TULP4: variants seen among roughly 807,000 people sequenced by gnomAD.
TULP4 encodes tubby-related protein 4.
A neutral mutation model predicts 129.0 loss-of-function variants in TULP4; 16 were observed. That is an observed-to-expected ratio of 0.12 (90% CI 0.08 to 0.19). The LOEUF is 0.19. TULP4 is among the 10% of genes least tolerant of loss of function. The pLI is 1.00. For synonymous variants in TULP4, 998 were observed against 854.0 expected, an observed-to-expected ratio of 1.17 and a Z score of -2.94; for missense variants, 1,842 against 2,059.1, an observed-to-expected ratio of 0.89 and a Z score of 2.04.
intron 8 of TULP4, among the ~76,000 whole-genome samples, chr6:158,484,711 A>G (rs1005761337): frequency 6.6e-5 from 10 of 152,232 alleles, no homozygotes; most frequent in Non-Finnish European, 1.3e-4. Context: ...GCTGTCTGCA[A>G]GCCGGGGGCA....
chr6:158,272,778 C>G (rs1437829412), intron 1 of TULP4, among the ~76,000 whole-genome samples: 1 of 152,210 alleles, frequency 6.6e-6, no homozygotes, highest in African/African-American at 2.4e-5. Context: ...TAGAGTGTTT[C>G]AGTCAAAAAC....
intron 1 of TULP4, among the ~76,000 whole-genome samples, chr6:158,360,320 G>C (rs2114832932): frequency 6.6e-6 from 1 of 152,220 alleles, no homozygotes; most frequent in African/African-American, 2.4e-5. Context: ...GGGTTTGGTA[G>C]GGTCCAGGGC....
At chr6:158,287,497 A>C (rs1451144358) in intron 1 of TULP4, among the ~76,000 whole-genome samples, 1 of 152,218 alleles carries the variant, frequency 6.6e-6, no homozygotes, top group Non-Finnish European at 1.5e-5. Context: ...GTCTTGATGA[A>C]TAGACATTTA....
At chr6:158,327,863 C>A (rs1349422723) in intron 1 of TULP4, among the ~76,000 whole-genome samples, 1 of 152,094 alleles carries the variant, frequency 6.6e-6, no homozygotes, top group Non-Finnish European at 1.5e-5. Flanking sequence ...CACCATGAAT[C>A]TCTTTGGCAT....
intron 1 of TULP4, among the ~76,000 whole-genome samples, chr6:158,362,611 A>G (rs1477844297): frequency 6.6e-6 from 1 of 152,074 alleles, no homozygotes; most frequent in African/African-American, 2.4e-5. Context: ...TGGACTCCCA[A>G]AGTGTTGAGG....
At chr6:158,306,251 T>C (rs1779215098) in intron 1 of TULP4, among the ~76,000 whole-genome samples, 2 of 152,364 alleles carry the variant, frequency 1.3e-5, no homozygotes, top group Non-Finnish European at 2.9e-5. Flanking sequence ...CTTAATAAAA[T>C]AGTTATTTAA....
At chr6:158,415,323 T>C (rs1049825561) in intron 2 of TULP4, among the ~76,000 whole-genome samples, 3 of 139,734 alleles carry the variant, frequency 2.1e-5, no homozygotes, top group Non-Finnish European at 3.3e-5. Flanking sequence ...TACTGTACTT[T>C]TTATTATTTT....
intron 3 of TULP4, among the ~76,000 whole-genome samples, chr6:158,445,932 G>A (rs1037603379): frequency 6.6e-6 from 1 of 152,154 alleles, no homozygotes; most frequent in African/African-American, 2.4e-5. Flanking sequence ...TGGTTTCCTA[G>A]AGAGAAGAGG....
At position 158,240,239 on chromosome 6, in the gene TULP4, C is replaced by T. The variant is rs112402656; in HGVS notation, n.68+7936C>T. Among the ~76,000 whole-genome samples the T allele has an allele frequency of 5.0e-3, 341 of 67,744 alleles. 1 individual carries two copies. The highest frequency in any genetic ancestry group is 8.3e-3 in the African/African-American group (169 of 20,318). 44.4% of individuals were successfully genotyped at this position (67,744 alleles called of 152,430 possible). ...GGGGCTGACCCCCCCACCTCCCTCCCGGACGGGGCGGCTGGCCGGGCAGAG... is the reference window on the plus strand; with the variant it reads ...GGGGCTGACCCCCCCACCTCCCTCCTGGACGGGGCGGCTGGCCGGGCAGAG... On this transcript the variant is annotated intron_variant and non_coding_transcript_variant, in intron 1 of 1. Transcript: ENST00000620026.
In TULP4 at chr6:158,413,047, T is replaced by G. The variant is rs1186456932; in HGVS notation, c.253-18T>G. On this transcript the variant is annotated intron_variant, in intron 1 of 13. Coordinates refer to ENST00000367097, the MANE Select transcript of TULP4 (RefSeq NM_020245.5). The surrounding 1 kb of genome is among the most constrained non-coding windows in gnomAD (Gnocchi z 4.9). The stretch of plus-strand genomic sequence containing the variant: ...AGATTTATTTCCTGTGGTAAATGTC[T>G]TCTTGGTGGTTTTCTAGGTTGTGCT... 1 of 1,600,114 alleles carries G rather than the reference T, an allele frequency of 6.2e-7. No homozygotes were observed. The highest frequency in any genetic ancestry group is 8.5e-7 in the Non-Finnish European group (1 of 1,171,616).
intron 1 of TULP4, among the ~76,000 whole-genome samples, chr6:158,352,010 C>A (rs1249569543): frequency 6.6e-6 from 1 of 152,092 alleles, no homozygotes; most frequent in African/African-American, 2.4e-5. Context: ...GCGTGAGCTA[C>A]CACACCCAGC....
intron 3 of TULP4, among the ~76,000 whole-genome samples, chr6:158,446,702 C>T (rs560738445): frequency 2.0e-5 from 3 of 152,246 alleles, no homozygotes; most frequent in East Asian, 1.9e-4. Context: ...ATTGAGTTCT[C>T]ACAATTCTGG....
At chr6:158,261,496 C>T (rs757410712) in intron 1 of TULP4, among the ~76,000 whole-genome samples, 2 of 152,158 alleles carry the variant, frequency 1.3e-5, no homozygotes, top group Non-Finnish European at 2.9e-5. Flanking sequence ...CTCGGAACCT[C>T]TTGGGACCTG....
chr6:158,382,443 A>T (rs954916619), intron 1 of TULP4, among the ~76,000 whole-genome samples: 1 of 152,170 alleles, frequency 6.6e-6, no homozygotes. Flanking sequence ...ATCTTCCTCC[A>T]AGTGGATAAT....
At chr6:158,410,065 A>G (rs2115001501) in intron 1 of TULP4, among the ~76,000 whole-genome samples, 1 of 152,320 alleles carries the variant, frequency 6.6e-6, no homozygotes, top group African/African-American at 2.4e-5. Flanking sequence ...CGTGTTAGCC[A>G]GGATGATCTC....
chr6:158,460,129 T>C (rs1779392066), intron 5 of TULP4, among the ~76,000 whole-genome samples: 1 of 152,184 alleles, frequency 6.6e-6, no homozygotes, highest in Non-Finnish European at 1.5e-5. Flanking sequence ...CATGAGAAAG[T>C]CCCGTGTTCC....
In TULP4 at chr6:158,405,583, A is replaced by G. The variant is rs575031406; in HGVS notation, c.253-7482A>G. On this transcript the variant is annotated intron_variant, in intron 1 of 13. Transcript: ENST00000367097. ...GTTCTTTTAACTCAAGATACAATCGATCCTGGGAGAGCAAGGAGCAAGGAG... is the reference window on the plus strand; with the variant it reads ...GTTCTTTTAACTCAAGATACAATCGGTCCTGGGAGAGCAAGGAGCAAGGAG... 5.3e-5 allele frequency among the ~76,000 whole-genome samples: 8 copies of G among 152,278 alleles called. No individual in the cohort carries two copies. In the South Asian group the frequency reaches 1.7e-3, roughly 32 times the overall value.
At chr6:158,264,664 A>G (rs7770047) in intron 1 of TULP4, among the ~76,000 whole-genome samples, 26,250 of 152,052 alleles carry the variant, frequency 0.17, 2,705 homozygotes, top group Middle Eastern at 0.24. Context: ...TCAGCTTTAA[A>G]AGATTTAAAA....
At chr6:158,350,280 C>T (rs1262091567) in intron 1 of TULP4, among the ~76,000 whole-genome samples, 1 of 4,620 alleles carries the variant, frequency 2.2e-4, no homozygotes, top group Non-Finnish European at 9.4e-4. Context: ...ACATCCCAGA[C>T]GATGGGCGGC....
Sources: allele counts gnomAD v4.1 joint callset (sites outside exome capture counted in the v4.1 genomes callset), GRCh38; gene constraint gnomAD v4.1.1; non-coding constraint Gnocchi (gnomAD v3.1); transcripts MANE v1.5; gene names NCBI Gene and HGNC (gene_info 2026-07-23, HGNC 2026-07-21).